The following SORL1 variants were observed in gnomAD, a reference collection of about 807,000 sequenced individuals.
The protein encoded by SORL1 is sortilin related receptor 1, also known as sortilin-related receptor.
In SORL1, 127 loss-of-function variants were observed where a neutral mutation model predicts 273.7. The ratio of observed to expected loss-of-function variants is 0.46; its 90% confidence interval spans 0.40 to 0.54. The LOEUF (loss-of-function observed/expected upper bound fraction) is 0.54. Ranked by LOEUF, SORL1 falls within the 20% of genes least tolerant of loss-of-function variation. The pLI is 0.00. For synonymous variants in SORL1, 1,031 were observed against 1,067.4 expected, an observed-to-expected ratio of 0.97 and a Z score of 0.66; for missense variants, 2,494 against 2,846.1, an observed-to-expected ratio of 0.88 and a Z score of 2.81.
chr11:121,526,846 A>G (rs1862130679), intron 11 of SORL1, among the ~76,000 whole-genome samples: 1 of 152,114 alleles, frequency 6.6e-6, no homozygotes, highest in East Asian at 1.9e-4. Flanking sequence ...GATTCTATGT[A>G]AGCAATCATA....
In SORL1 at chr11:121,595,433, A is replaced by G. The variant is rs1040732383; in HGVS notation, c.4370-190A>G. On this transcript the variant is annotated intron_variant, in intron 31 of 47. Transcript: ENST00000260197. The surrounding 1 kb of genome is among the most constrained non-coding windows in gnomAD (Gnocchi z 5.1). ...AAAACAATCTCTTGACTGTGGCTTT[A>G]GTGGGATCCTGTGGGGAAGCAACAT... Among the ~76,000 whole-genome samples, 2 of 152,134 alleles carry G rather than the reference A, an allele frequency of 1.3e-5. No homozygotes were observed. Among genetic ancestry groups the G allele is most frequent in the Non-Finnish European group, 2.9e-5 (2 of 68,034 alleles).
At chr11:121,569,900 G>T (rs1017136581) in intron 22 of SORL1, among the ~76,000 whole-genome samples, 2 of 152,154 alleles carry the variant, frequency 1.3e-5, no homozygotes, top group Non-Finnish European at 2.9e-5. Flanking sequence ...CTGCCGACAT[G>T]TGATGTCTCC....
chr11:121,455,152 A>G (rs1360263128), intron 1 of SORL1, among the ~76,000 whole-genome samples: 4 of 152,076 alleles, frequency 2.6e-5, no homozygotes, highest in Non-Finnish European at 5.9e-5. Flanking sequence ...GAAATTTACA[A>G]TTTAAGGAGG....
At chr11:121,623,979 G>A (rs1156265598) in intron 45 of SORL1, among the ~76,000 whole-genome samples, 2 of 152,238 alleles carry the variant, frequency 1.3e-5, no homozygotes, top group African/African-American at 2.4e-5. Context: ...GCAAAGAGGA[G>A]CAAAGCCACA....
Position 121,550,757 on chromosome 11 carries a change from C to G in SORL1, c.2266+87C>G. The stretch of plus-strand genomic sequence containing the variant: ...TCACCCAAGTCCGGGCTTGTGGCTC[C>G]TTTAATTGAGTGGAGAAAAACAATG... On this transcript the variant is annotated intron_variant, in intron 16 of 47. Coordinates refer to ENST00000260197, the MANE Select transcript of SORL1 (RefSeq NM_003105.6). The surrounding 1 kb of genome is among the most constrained non-coding windows in gnomAD (Gnocchi z 5.3). The G allele has an allele frequency of 1.0e-6, 1 of 996,028 alleles. No homozygotes were observed. The highest frequency in any genetic ancestry group is 1.6e-5 in the South Asian group (1 of 62,634). 61.7% of individuals were successfully genotyped at this position (996,028 alleles called of 1,614,324 possible).
At position 121,554,411 on chromosome 11, in the gene SORL1, C is replaced by G. The variant is rs980411207; in HGVS notation, c.2439+302C>G. Among the ~76,000 whole-genome samples the G allele has an allele frequency of 6.6e-6, 1 of 152,192 alleles. No individual in the cohort carries two copies. The highest frequency in any genetic ancestry group is 6.5e-5 in the Admixed American group (1 of 15,278). Reference sequence around the variant, plus strand: ...TAATGTAGGATGATTAGTTGCCCCCCTATTGTGCCAACTGCCTCTTGAGCA... The same window carrying G: ...TAATGTAGGATGATTAGTTGCCCCCGTATTGTGCCAACTGCCTCTTGAGCA... On this transcript the variant is annotated intron_variant, in intron 17 of 47. Transcript: ENST00000260197. This position sits in a 1 kb window ranked among gnomAD's most constrained non-coding sequence, Gnocchi z 4.6.
chr11:121,474,173 C>T (rs1861221690), intron 2 of SORL1, among the ~76,000 whole-genome samples: 1 of 152,224 alleles, frequency 6.6e-6, no homozygotes, highest in African/African-American at 2.4e-5. Context: ...CTGTCACTGA[C>T]ATAGTGCTTG....
chr11:121,461,550 A>C (rs1861001547), intron 1 of SORL1, among the ~76,000 whole-genome samples: 1 of 152,188 alleles, frequency 6.6e-6, no homozygotes, highest in Non-Finnish European at 1.5e-5. Flanking sequence ...GTGGTGAAGA[A>C]GCCACTGGTA....
In SORL1 at chr11:121,492,826, C is replaced by T. The variant is rs190693798; in HGVS notation, c.758+2716C>T. Among the ~76,000 whole-genome samples, 297 of 135,008 alleles carry T rather than the reference C, an allele frequency of 2.2e-3. 1 individual carries two copies. In the Admixed American group the frequency reaches 0.023, roughly 10 times the overall value. 88.6% of individuals were successfully genotyped at this position (135,008 alleles called of 152,430 possible). On this transcript the variant is annotated intron_variant, in intron 5 of 47. Transcript: ENST00000260197. ...GGGTCATTTTTTTTTTTTTTTGAGA[C>T]GGAGTCTTGCTCTGTTGCCCAGGCT...
intron 11 of SORL1, among the ~76,000 whole-genome samples, chr11:121,525,135 C>G (rs945183484): frequency 1.3e-5 from 2 of 152,190 alleles, no homozygotes; most frequent in Non-Finnish European, 2.9e-5. Flanking sequence ...CCAGTCTTGT[C>G]CTTGTCTGCT....
rs1014868857 is a variant in SORL1, at chr11:121,529,959, G to T, written c.1597-2505G>T. Among the ~76,000 whole-genome samples, 20 of 151,754 alleles carry T rather than the reference G, an allele frequency of 1.3e-4. No homozygotes were observed. In the East Asian group the frequency reaches 3.5e-3, roughly 26 times the overall value. The stretch of plus-strand genomic sequence containing the variant: ...TACTTTTATTTAGATTTTTTGGGGG[G>T]CTTATCTATGTGTATTTCTAGTGAC... On this transcript the variant is annotated intron_variant, in intron 11 of 47. Coordinates refer to ENST00000260197, the MANE Select transcript of SORL1 (RefSeq NM_003105.6).
Position 121,543,528 on chromosome 11 carries a change from T to C in SORL1, c.1686-20T>C. ...TTAGAGACTTTCACTGCAAGGATTC[T>C]CTTACTTGCATTTGGGCAGATACAG... On this transcript the variant is annotated intron_variant, in intron 12 of 47. Coordinates refer to ENST00000260197, the MANE Select transcript of SORL1 (RefSeq NM_003105.6). The C allele has an allele frequency of 1.3e-6, 2 of 1,589,000 alleles. No individual in the cohort carries two copies. The highest frequency in any genetic ancestry group is 1.7e-6 in the Non-Finnish European group (2 of 1,159,074).
intron 6 of SORL1, among the ~76,000 whole-genome samples, chr11:121,504,380 C>G (rs1392555067): frequency 6.6e-6 from 1 of 152,070 alleles, no homozygotes; most frequent in Non-Finnish European, 1.5e-5. Flanking sequence ...CCACTGCACT[C>G]CAGCCTGGGC....
chr11:121,458,312 A>T (rs1364065325), intron 1 of SORL1, among the ~76,000 whole-genome samples: 1 of 152,248 alleles, frequency 6.6e-6, no homozygotes, highest in African/African-American at 2.4e-5. Context: ...AATTTGCGAC[A>T]ATAATTCAGA....
At chr11:121,605,089 T>C (rs1784929) in intron 33 of SORL1, 24 bp from the exon 34 acceptor site, 1 of 1,590,482 alleles carries the variant, frequency 6.3e-7, no homozygotes, top group Non-Finnish European at 8.6e-7. Flanking sequence ...ACTTTGTTTG[T>C]CTTTTTCTCC....
At chr11:121,514,882 G>A (rs1861928875) in intron 8 of SORL1, among the ~76,000 whole-genome samples, 1 of 152,208 alleles carries the variant, frequency 6.6e-6, no homozygotes. Flanking sequence ...GGGTGGTGGA[G>A]GAGTTGGGGG....
At chr11:121,469,974 G>A (rs183191029) in intron 1 of SORL1, 33 bp from the exon 2 acceptor site, 25 of 1,352,700 alleles carry the variant, frequency 1.8e-5, no homozygotes, top group Middle Eastern at 1.8e-4. Flanking sequence ...ATCACTTATC[G>A]TGGGTCCTAA....
At chr11:121,594,627 A>G (rs906168551) in intron 31 of SORL1, among the ~76,000 whole-genome samples, 2 of 152,018 alleles carry the variant, frequency 1.3e-5, no homozygotes, top group African/African-American at 4.8e-5. Flanking sequence ...TGAACGTATT[A>G]AGGATATTTG....
At chr11:121,576,411 C>G (rs957281113) in intron 24 of SORL1, among the ~76,000 whole-genome samples, 3 of 152,216 alleles carry the variant, frequency 2.0e-5, no homozygotes, top group Admixed American at 6.5e-5. Context: ...CTTAAGGACA[C>G]TAATCCTATT....
Sources: gnomAD v4.1 joint callset for allele counts (sites outside exome capture counted in the v4.1 genomes callset) on GRCh38, gnomAD v4.1.1 for gene constraint, Gnocchi (gnomAD v3.1) non-coding constraint, MANE v1.5 for transcripts, NCBI Gene and HGNC (gene_info 2026-07-23, HGNC 2026-07-21) for gene names.